Variants in FOXN3 observed in about 807,000 individuals in gnomAD.
FOXN3 encodes the protein forkhead box protein N3.
Under a neutral mutation model 38.4 loss-of-function variants are expected in FOXN3, and 7 were observed. The ratio of observed to expected loss-of-function variants is 0.18; its 90% CI spans 0.10 to 0.34. FOXN3 has a LOEUF of 0.34. FOXN3 is among the 10% of genes least tolerant of loss of function. FOXN3 has a pLI of 1.00. For synonymous variants in FOXN3, 230 were observed against 242.2 expected (o/e 0.95, Z 0.47); for missense variants, 456 against 613.4 (o/e 0.74, Z 2.71).
At chr14:89,306,420 T>C (rs913866795) in intron 3 of FOXN3, among the ~76,000 whole-genome samples, 1 of 151,626 alleles carries the variant, frequency 6.6e-6, no homozygotes, top group East Asian at 1.9e-4. Flanking sequence ...CAGGCTGGAG[T>C]ACAGTGGCAC....
At chr14:89,557,444 G>T (rs886602423) in intron 1 of FOXN3, among the ~76,000 whole-genome samples, 18 of 152,206 alleles carry the variant, frequency 1.2e-4, no homozygotes, top group African/African-American at 4.1e-4. Flanking sequence ...CTTGAACAGG[G>T]GATCATTCCA....
At position 89,360,524 on chromosome 14, in the gene FOXN3, GA is replaced by G. The variant is rs1190424906; in HGVS notation, c.544-9717del. 7.7e-4 allele frequency among the ~76,000 whole-genome samples: 105 copies of G among 137,150 alleles called. 1 individual carries two copies. The highest frequency in any genetic ancestry group is 2.3e-3 in the African/African-American group (85 of 36,348). 90.0% of individuals were successfully genotyped at this position (137,150 alleles called of 152,430 possible). On this transcript the variant is annotated intron_variant, in intron 2 of 5. Coordinates refer to ENST00000557258, the MANE Select transcript of FOXN3 (RefSeq NM_005197.4). ...AGGGAAAAACGGTGAGAGAGAGAAG[GA>G]AAAAAAGGGACACAGAGGGAGTGAC...
intron 4 of FOXN3, among the ~76,000 whole-genome samples, chr14:89,209,198 T>TAA (rs1200780379): frequency 6.6e-6 from 1 of 152,266 alleles, no homozygotes; most frequent in Non-Finnish European, 1.5e-5. Flanking sequence ...GTTACCACCT[T>TAA]ATCTGGCGGC....
chr14:89,399,633 G>A (rs1274088663), intron 2 of FOXN3, among the ~76,000 whole-genome samples: 1 of 152,190 alleles, frequency 6.6e-6, no homozygotes, highest in Non-Finnish European at 1.5e-5. Flanking sequence ...GATCCCTCTT[G>A]TAATCTATTT....
At chr14:89,553,082 T>C (rs1264476577) in intron 1 of FOXN3, among the ~76,000 whole-genome samples, 2 of 151,580 alleles carry the variant, frequency 1.3e-5, no homozygotes, top group East Asian at 3.9e-4. Flanking sequence ...CTACAAAAAA[T>C]ACAAAAGTTA....
At chr14:89,542,773 G>T (rs1187470139) in intron 1 of FOXN3, among the ~76,000 whole-genome samples, 1 of 152,142 alleles carries the variant, frequency 6.6e-6, no homozygotes. Context: ...GCCATCGATG[G>T]GTTAATATGC....
intron 2 of FOXN3, among the ~76,000 whole-genome samples, chr14:89,385,768 T>C (rs1049055488): frequency 6.6e-6 from 1 of 152,176 alleles, no homozygotes. Flanking sequence ...GATCATGCCA[T>C]TGCATTCCAG....
intron 1 of FOXN3, among the ~76,000 whole-genome samples, chr14:89,472,720 CAA>C (rs1157948946): frequency 1.7e-3 from 79 of 46,600 alleles, no homozygotes; most frequent in African/African-American, 5.5e-3. Flanking sequence ...GACCCCATCT[CAA>C]AAAAAAAAAA....
intron 3 of FOXN3, among the ~76,000 whole-genome samples, chr14:89,313,427 G>A (rs1005896520): frequency 1.3e-5 from 2 of 152,050 alleles, no homozygotes; most frequent in South Asian, 2.1e-4. Flanking sequence ...GCGTGGTGGC[G>A]CATGCCCGTA....
chr14:89,503,572 T>C (rs750640196), intron 1 of FOXN3, among the ~76,000 whole-genome samples: 1 of 152,220 alleles, frequency 6.6e-6, no homozygotes, highest in Non-Finnish European at 1.5e-5. Context: ...GAAATGAGAA[T>C]GCTTCCAATT....
At chr14:89,245,387 G>T (rs970026314) in intron 4 of FOXN3, among the ~76,000 whole-genome samples, 5 of 151,466 alleles carry the variant, frequency 3.3e-5, no homozygotes. Context: ...AGTAAGAAAT[G>T]TTTCTTTGTT....
At chr14:89,561,032 C>T (rs1218630748) in intron 1 of FOXN3, among the ~76,000 whole-genome samples, 1 of 152,198 alleles carries the variant, frequency 6.6e-6, no homozygotes, top group African/African-American at 2.4e-5. Context: ...GCTGAGATGA[C>T]TGGGAATACA....
intron 2 of FOXN3, among the ~76,000 whole-genome samples, chr14:89,367,690 T>A (rs1890197743): frequency 6.6e-6 from 1 of 151,626 alleles, no homozygotes; most frequent in African/African-American, 2.4e-5. Context: ...GAGGAAAAAA[T>A]TAAACAAACA....
intron 1 of FOXN3, among the ~76,000 whole-genome samples, chr14:89,413,039 C>G (rs1891582265): frequency 6.6e-6 from 1 of 152,110 alleles, no homozygotes; most frequent in Non-Finnish European, 1.5e-5. Flanking sequence ...CCATAGAATT[C>G]TATCCCTCCA....
chr14:89,201,066 C>G (rs1464374967), intron 4 of FOXN3, among the ~76,000 whole-genome samples: 1 of 152,184 alleles, frequency 6.6e-6, no homozygotes, highest in Non-Finnish European at 1.5e-5. Flanking sequence ...TTCTGTTTGG[C>G]TTGTTAACTG....
intron 4 of FOXN3, among the ~76,000 whole-genome samples, chr14:89,200,546 C>T (rs1888210770): frequency 6.6e-6 from 1 of 152,186 alleles, no homozygotes; most frequent in African/African-American, 2.4e-5. Flanking sequence ...CCTGCTGCTC[C>T]TCTGCTGGAG....
At chr14:89,243,980 C>T (rs1885215990) in intron 4 of FOXN3, among the ~76,000 whole-genome samples, 1 of 152,230 alleles carries the variant, frequency 6.6e-6, no homozygotes, top group South Asian at 2.1e-4. Context: ...ATCTTCAGCC[C>T]TGGCTCCACA....
At chr14:89,363,944 T>TAA (rs1491177375) in intron 2 of FOXN3, among the ~76,000 whole-genome samples, 2 of 84,700 alleles carry the variant, frequency 2.4e-5, no homozygotes, top group African/African-American at 1.3e-4. Flanking sequence ...ACCCTGTCTG[T>TAA]AAAATATATA....
chr14:89,598,686 A>C (rs184683682), intron 1 of FOXN3, among the ~76,000 whole-genome samples: 3 of 152,368 alleles, frequency 2.0e-5, no homozygotes, highest in Admixed American at 1.3e-4. Flanking sequence ...ATTTGAAGAT[A>C]GCATTCCACT....
Sources: gnomAD v4.1 joint callset for allele counts (sites outside exome capture counted in the v4.1 genomes callset) on GRCh38, gnomAD v4.1.1 for gene constraint, MANE v1.5 for transcripts, NCBI Gene and HGNC (gene_info 2026-07-23, HGNC 2026-07-21) for gene names.